Variants in PITRM1 observed in about 807,000 individuals in gnomAD.
PITRM1 encodes the protein presequence protease, mitochondrial.
PITRM1 carries 100 observed loss-of-function variants against 129.9 expected under a neutral mutation model. The observed-to-expected ratio is 0.77, with a 90% CI of 0.65 to 0.91. The LOEUF is 0.91. PITRM1 is among the 40% of genes least tolerant of loss of function. The pLI, the probability that PITRM1 is intolerant of heterozygous loss-of-function variation, is 0.00. For synonymous variants in PITRM1, 591 were observed against 508.8 expected, an observed-to-expected ratio of 1.16 and a Z score of -2.17; for missense variants, 1,471 against 1,318.3, an observed-to-expected ratio of 1.12 and a Z score of -1.79.
At chr10:3,145,413 A>C (rs1840749934) in intron 21 of PITRM1, 183 bp downstream of exon 21, 2 of 606,576 alleles carry the variant, frequency 3.3e-6, no homozygotes, top group African/African-American at 3.7e-5. Flanking sequence ...GAACTCACTT[A>C]ACTGGCCCAA....
intron 20 of PITRM1, 132 bp from the exon 21 acceptor site, chr10:3,145,848 T>C (rs1840804694): frequency 2.7e-6 from 2 of 731,926 alleles, no homozygotes; most frequent in South Asian, 1.8e-5. Context: ...AGCAGCCAAA[T>C]GTGGAAATGC....
chr10:3,145,066 C>T (rs7081092), intron 21 of PITRM1: 26,005 of 153,580 alleles, frequency 0.17, 2,670 homozygotes, highest in South Asian at 0.24. Context: ...ACAGAGAGAC[C>T]ACATCCAGAA....
intron 21 of PITRM1, among the ~76,000 whole-genome samples, 165 bp from the exon 22 acceptor site, chr10:3,144,531 G>C (rs9423496): frequency 0.67 from 102,368 of 152,150 alleles, 34,573 homozygotes; most frequent in Non-Finnish European, 0.7. Context: ...AGGCTGGGCA[G>C]AGTGGCTCAT....
chr10:3,154,906 T>A (rs1841847175), intron 14 of PITRM1, among the ~76,000 whole-genome samples: 1 of 152,156 alleles, frequency 6.6e-6, no homozygotes, highest in African/African-American at 2.4e-5. Flanking sequence ...CTGGCCTAGG[T>A]CGTCATGTCA....
chr10:3,147,334 A>T lies in PITRM1; in HGVS notation c.2236-84T>A, dbSNP rs1256677112. On this transcript the variant is annotated intron_variant, in intron 19 of 26. Coordinates refer to ENST00000224949, the MANE Select transcript of PITRM1 (RefSeq NM_014889.4). Reference sequence around the variant, plus strand: ...TGAACCAAGCACCTGTGACATCAGAACCCTGCTTGGGCAGGGGTTATGTGT... The same window carrying T: ...TGAACCAAGCACCTGTGACATCAGATCCCTGCTTGGGCAGGGGTTATGTGT... 1.9e-5 allele frequency: 21 copies of T among 1,101,268 alleles called. No homozygotes were observed. In the East Asian group the frequency reaches 4.2e-4, roughly 22 times the overall value. 68.2% of individuals were successfully genotyped at this position (1,101,268 alleles called of 1,614,324 possible).
intron 10 of PITRM1, among the ~76,000 whole-genome samples, chr10:3,158,436 G>A (rs886766057): frequency 6.6e-6 from 1 of 152,188 alleles, no homozygotes; most frequent in Non-Finnish European, 1.5e-5. Flanking sequence ...TGTAGTCCCA[G>A]CTACTCTGGA....
chr10:3,150,143 A>C (rs544222692), intron 15 of PITRM1, among the ~76,000 whole-genome samples: 2 of 151,818 alleles, frequency 1.3e-5, no homozygotes, highest in African/African-American at 4.8e-5. Context: ...CTGGCCCCAC[A>C]ACAGAAGGCT....
Position 3,157,075 on chromosome 10 carries a change from G to C in PITRM1, c.1348-11C>G. 1 of 1,599,502 alleles carries C rather than the reference G, an allele frequency of 6.3e-7. No individual in the cohort carries two copies. The highest frequency in any genetic ancestry group is 8.5e-7 in the Non-Finnish European group (1 of 1,175,840). ...GCAAGAAGCTATGTACTGGAAGGAAGATTTCCACATCCACAATGCAGCTGG... is the reference window on the plus strand; with the variant it reads ...GCAAGAAGCTATGTACTGGAAGGAACATTTCCACATCCACAATGCAGCTGG... On this transcript the variant is annotated splice_polypyrimidine_tract_variant and intron_variant, in intron 12 of 26. Coordinates refer to ENST00000224949, the MANE Select transcript of PITRM1 (RefSeq NM_014889.4).
rs1839692770 is a variant in PITRM1, at chr10:3,137,867, G to A, written c.*164C>T. On this transcript the variant is annotated 3_prime_UTR_variant, in exon 27 of 27. Transcript: ENST00000224949. ...TGATTATTTCAATGAACCTCTTCCT[G>A]GTCACTCTTAAGATAGATCTGAGTT... The A allele has an allele frequency of 1.9e-5, 11 of 593,540 alleles. No individual in the cohort carries two copies. The South Asian group carries it at 2.0e-4, about 11-fold the overall frequency. 36.8% of individuals were successfully genotyped at this position (593,540 alleles called of 1,614,324 possible). A position where few individuals can be genotyped will look rare whatever the true frequency, so the allele number is the denominator to read the frequency against.
At chr10:3,151,151 A>C (rs752856320) in intron 15 of PITRM1, 96 bp downstream of exon 15, 1 of 739,746 alleles carries the variant, frequency 1.4e-6, no homozygotes, top group South Asian at 1.5e-5. Flanking sequence ...TTTCAGGGAA[A>C]ACCTCCAAGA....
At position 3,138,285 on chromosome 10, in the gene PITRM1, T is replaced by C. The variant is rs544868074; in HGVS notation, c.2970A>G (p.Arg990=). The stretch of plus-strand genomic sequence containing the variant: ...CGTGGCTGACAGCAAAGAGCTGCTC[T>C]CTGTGGGCCTGCTTCATCTCATCCG... ...GLSDEMKQAH[R]EQLFAVSHDK... The change falls in exon 26 of 27, where the codon AGA becomes AGG. Residue 990 remains arginine (R), a synonymous_variant. Coordinates refer to ENST00000224949, the MANE Select transcript of PITRM1 (RefSeq NM_014889.4). 3.1e-6 allele frequency: 5 copies of C among 1,613,952 alleles called. No individual in the cohort carries two copies. In the East Asian group the frequency reaches 1.1e-4, roughly 36 times the overall value.
intron 14 of PITRM1, among the ~76,000 whole-genome samples, chr10:3,152,859 A>G (rs1349801932): frequency 6.6e-6 from 1 of 152,128 alleles, no homozygotes; most frequent in Non-Finnish European, 1.5e-5. Flanking sequence ...GAATGCACTC[A>G]CTCACAGTTG....
Position 3,148,016 on chromosome 10 carries a change from C to G in PITRM1, c.2040G>C (p.Met680Ile). ...TAAATATTTCACTCCATAGCTGCAT[C>G]ATGTCTGGCAGGTTTCGATCCAGGC... ...SLCLDRNLPDMMQLWSEIFNN... is the reference protein window; with the variant it reads ...SLCLDRNLPDIMQLWSEIFNN... Residue 680 changes from methionine (M) to isoleucine (I), a missense_variant, in exon 18 of 27, where the codon ATG becomes ATC. Coordinates refer to ENST00000224949, the MANE Select transcript of PITRM1 (RefSeq NM_014889.4). The G allele has an allele frequency of 6.2e-7, 1 of 1,613,462 alleles. No individual in the cohort carries two copies. Among genetic ancestry groups the G allele is most frequent in the Non-Finnish European group, 8.5e-7 (1 of 1,179,364 alleles).
chr10:3,169,361 C>T (rs1588728825), intron 2 of PITRM1, among the ~76,000 whole-genome samples: 1 of 152,302 alleles, frequency 6.6e-6, no homozygotes, highest in Non-Finnish European at 1.5e-5. Flanking sequence ...TCCAGGAGCT[C>T]TTCCCTCTGC....
intron 25 of PITRM1, chr10:3,138,564 G>A (rs575436258): frequency 1.2e-4 from 75 of 605,832 alleles, no homozygotes; most frequent in African/African-American, 1.0e-3. Context: ...TGCAGTCAGC[G>A]CCGCGTGAGG....
rs58280179 is a variant in PITRM1, at chr10:3,166,393, A to AGG, written c.267-14_267-13insCC. 1.6e-5 allele frequency: 3 copies of AGG among 190,658 alleles called. No homozygotes were observed. The highest frequency in any genetic ancestry group is 1.6e-5 in the Non-Finnish European group (2 of 121,234). 11.8% of individuals were successfully genotyped at this position (190,658 alleles called of 1,614,324 possible). A position where few individuals can be genotyped will look rare whatever the true frequency, so the allele number is the denominator to read the frequency against. ...ACGGAACTGCACGCTAGGGAAGGAGAATGACCAGAACGCAAAAGGTTCAGC... is the reference window on the plus strand; with the variant it reads ...ACGGAACTGCACGCTAGGGAAGGAGAGGATGACCAGAACGCAAAAGGTTCAGC... On this transcript the variant is annotated splice_polypyrimidine_tract_variant and intron_variant, in intron 3 of 26. Coordinates refer to ENST00000224949, the MANE Select transcript of PITRM1 (RefSeq NM_014889.4).
intron 14 of PITRM1, among the ~76,000 whole-genome samples, chr10:3,151,946 C>T (rs1162437730): frequency 6.6e-6 from 1 of 151,964 alleles, no homozygotes; most frequent in Non-Finnish European, 1.5e-5. Flanking sequence ...CGAGGTTTTG[C>T]CATGTTGCCC....
chr10:3,165,434 C>T lies in PITRM1; in HGVS notation c.512G>A (p.Cys171Tyr). Reference sequence around the variant, plus strand: ...ATACCAGAAATCCAGCTCGCGTAAACATGGGAAAAAGGTGGCATCCAAATA... The same window carrying T: ...ATACCAGAAATCCAGCTCGCGTAAATATGGGAAAAAGGTGGCATCCAAATA... ...SVYLDATFFP[C>Y]LRELDFWQEG... is the part of the protein sequence containing the mutation. The change falls in exon 5 of 27, where the codon TGT becomes TAT. Residue 171 changes from cysteine (C) to tyrosine (Y), a missense_variant. By Grantham distance (194) the Cys-to-Tyr change is radical. Coordinates refer to ENST00000224949, the MANE Select transcript of PITRM1 (RefSeq NM_014889.4). 1.2e-6 allele frequency: 2 copies of T among 1,613,120 alleles called. No individual in the cohort carries two copies.
chr10:3,140,572 A>C, intron 24 of PITRM1, 115 bp downstream of exon 24: 1 of 977,704 alleles, frequency 1.0e-6, no homozygotes, highest in Non-Finnish European at 1.5e-6. Context: ...AAAGAAGCAC[A>C]CAGAACAACT....
Sources: gnomAD v4.1 joint callset for allele counts (sites outside exome capture counted in the v4.1 genomes callset) on GRCh38, gnomAD v4.1.1 for gene constraint, MANE v1.5 for transcripts, NCBI Gene and HGNC (gene_info 2026-07-23, HGNC 2026-07-21) for gene names.